The following XPNPEP3 variants were observed in gnomAD, a reference collection of about 807,000 sequenced individuals.
XPNPEP3 encodes the protein X-prolyl aminopeptidase 3.
XPNPEP3 carries 41 observed loss-of-function variants against 60.0 expected under a neutral mutation model. The observed-to-expected ratio is 0.68, with a 90% CI of 0.53 to 0.89. The LOEUF is 0.89. Ranked by LOEUF, XPNPEP3 falls within the 40% of genes least tolerant of loss-of-function variation. XPNPEP3 has a pLI of 0.00. For synonymous variants in XPNPEP3, 212 were observed against 223.2 expected, an observed-to-expected ratio of 0.95 and a Z score of 0.45; for missense variants, 598 against 638.9, an observed-to-expected ratio of 0.94 and a Z score of 0.69.
chr22:40,925,795 CTAA>C (rs1719673886), intron 9 of XPNPEP3, among the ~76,000 whole-genome samples: 1 of 152,130 alleles, frequency 6.6e-6, no homozygotes, highest in Non-Finnish European at 1.5e-5. Context: ...GTTGTCAAGG[CTAA>C]TAATCTCTAA....
chr22:40,916,101 T>G (rs1022436648), intron 7 of XPNPEP3, among the ~76,000 whole-genome samples: 5 of 152,056 alleles, frequency 3.3e-5, no homozygotes, highest in African/African-American at 1.2e-4. Flanking sequence ...AAGACCAGCC[T>G]GGCCAAAATG....
intron 7 of XPNPEP3, among the ~76,000 whole-genome samples, chr22:40,915,460 G>A (rs912557374): frequency 1.3e-5 from 2 of 151,674 alleles, no homozygotes; most frequent in Admixed American, 1.3e-4. Flanking sequence ...GGCTAAGGCA[G>A]GAGAATCGCT....
chr22:40,922,470 A>T lies in XPNPEP3; in HGVS notation c.1193A>T (p.Asp398Val). Residue 398 changes from aspartate to valine, a missense_variant, in exon 8 of 10, where the codon GAC becomes GTC. Asp to Val is a radical substitution (Grantham distance 152, BLOSUM62 -3). Coordinates refer to ENST00000357137, the MANE Select transcript of XPNPEP3 (RefSeq NM_022098.4). The part of the protein sequence containing the change: ...MLTLIGQKLK[D>V]LGIMKNIKEN... ...ACCCTGATAGGACAGAAGCTTAAAG[A>T]CTTGGGGATCATGAAGAACATTAAG... 6.2e-7 allele frequency: 1 copy of T among 1,614,080 alleles called. No individual in the cohort carries two copies.
intron 3 of XPNPEP3, among the ~76,000 whole-genome samples, chr22:40,884,542 C>A (rs1054138538): frequency 3.3e-5 from 5 of 151,264 alleles, no homozygotes; most frequent in African/African-American, 9.7e-5. Flanking sequence ...CCATGTTAGT[C>A]AGGCTGGTCT....
Position 40,930,692 on chromosome 22 carries a change from C to T in XPNPEP3, c.*4257C>T. 6.6e-6 allele frequency: 1 copy of T among 152,088 alleles called. No individual in the cohort carries two copies. Among genetic ancestry groups the T allele is most frequent in the Non-Finnish European group, 1.5e-5 (1 of 68,092 alleles). 9.4% of individuals were successfully genotyped at this position (152,088 alleles called of 1,614,324 possible). ...TCAACCAATTCTCCTGCCTCAGCCT[C>T]CCTAGTAACTGGGATTACAGGCACC... On this transcript the variant is annotated 3_prime_UTR_variant, in exon 10 of 10. Transcript: ENST00000357137.
At chr22:40,874,921 T>G (rs549163315) in intron 2 of XPNPEP3, among the ~76,000 whole-genome samples, 1 of 152,278 alleles carries the variant, frequency 6.6e-6, no homozygotes, top group African/African-American at 2.4e-5. Flanking sequence ...CACTCAGTCC[T>G]TAAATTCATT....
chr22:40,865,738 C>T (rs1422906843), intron 1 of XPNPEP3, among the ~76,000 whole-genome samples: 10 of 151,008 alleles, frequency 6.6e-5, no homozygotes, highest in African/African-American at 9.8e-5. Flanking sequence ...GCCATGTTGG[C>T]CAGGCTGGTC....
chr22:40,895,392 A>G (rs373967084), intron 4 of XPNPEP3, among the ~76,000 whole-genome samples: 17 of 151,504 alleles, frequency 1.1e-4, no homozygotes, highest in Admixed American at 7.9e-4. Context: ...CTGGAGTGCA[A>G]TGGCGCGATC....
In XPNPEP3 at chr22:40,869,087, C is replaced by T. The variant is rs1276915482; in HGVS notation, c.153C>T (p.Pro51=). 4 of 1,614,086 alleles carry T rather than the reference C, an allele frequency of 2.5e-6. No homozygotes were observed. The South Asian group carries it at 4.4e-5, about 18-fold the overall frequency. The stretch of plus-strand genomic sequence containing the variant: ...ACCGATACTTAGGCCAGCCCAGCCC[C>T]TTTACACACCCACACCTCCTCAGAC... ...IPNRYLGQPS[P]FTHPHLLRPG... Residue 51 remains proline (P), a synonymous_variant, in exon 2 of 10, where the codon CCC becomes CCT. Coordinates refer to ENST00000357137, the MANE Select transcript of XPNPEP3 (RefSeq NM_022098.4).
rs2058187525 is a variant in XPNPEP3, at chr22:40,914,309, G to A, written c.1040G>A (p.Trp347Ter). 6.2e-7 allele frequency: 1 copy of A among 1,613,974 alleles called. No homozygotes were observed. The highest frequency in any genetic ancestry group is 8.5e-7 in the Non-Finnish European group (1 of 1,179,966). Reference protein sequence around the residue: ...SCYVSDITRTWPVNGRFTAPQ... With the variant: ...SCYVSDITRT ...TATGTGAGTGACATCACACGTACGT[G>A]GCCAGTCAATGGCAGGTAGGGCTTC... Residue 347 changes from tryptophan (W) to a stop codon, truncating the protein, a stop_gained, in exon 7 of 10, where the codon TGG (tryptophan) becomes TAG (stop). Transcript: ENST00000357137. LOFTEE classifies it high-confidence loss of function.
At chr22:40,898,176 C>T (rs1006527926) in intron 4 of XPNPEP3, among the ~76,000 whole-genome samples, 1 of 145,570 alleles carries the variant, frequency 6.9e-6, no homozygotes, top group African/African-American at 2.5e-5. Flanking sequence ...AGGTATTCCC[C>T]TATGTTTTCT....
chr22:40,917,894 C>A (rs1269214580), intron 7 of XPNPEP3: 4 of 151,676 alleles, frequency 2.6e-5, no homozygotes, highest in Non-Finnish European at 5.9e-5. Flanking sequence ...GCCTGTAGTC[C>A]CAGCTACTAG....
intron 7 of XPNPEP3, among the ~76,000 whole-genome samples, chr22:40,915,905 C>G (rs1056316470): frequency 1.3e-5 from 2 of 152,162 alleles, no homozygotes; most frequent in Admixed American, 1.3e-4. Context: ...CCAGTGAGAA[C>G]AGAGTTTGTA....
chr22:40,920,792 T>C (rs2058213446), intron 7 of XPNPEP3, among the ~76,000 whole-genome samples: 1 of 152,146 alleles, frequency 6.6e-6, no homozygotes, highest in African/African-American at 2.4e-5. Context: ...TGCAGTTCTT[T>C]TTTTGTTTTG....
At chr22:40,861,284 G>T in intron 1 of XPNPEP3, 1 of 1,614,108 alleles carries the variant, frequency 6.2e-7, no homozygotes. Context: ...TTCTCCAGCT[G>T]CATTCTTTTG....
intron 2 of XPNPEP3, among the ~76,000 whole-genome samples, chr22:40,872,168 G>T (rs990068046): frequency 1.3e-5 from 2 of 152,164 alleles, no homozygotes; most frequent in African/African-American, 2.4e-5. Flanking sequence ...TATTTAGCAG[G>T]ATGATACAGG....
intron 5 of XPNPEP3, among the ~76,000 whole-genome samples, chr22:40,908,447 G>A (rs1047132296): frequency 1.3e-5 from 2 of 152,004 alleles, no homozygotes; most frequent in Non-Finnish European, 2.9e-5. Flanking sequence ...GAGCCTGGAA[G>A]GTTCAGGCTA....
intron 7 of XPNPEP3, among the ~76,000 whole-genome samples, chr22:40,919,386 C>T (rs1428669815): frequency 2.0e-5 from 3 of 152,184 alleles, no homozygotes; most frequent in Admixed American, 2.0e-4. Context: ...GAAACCCCGT[C>T]CATACTAAAA....
intron 4 of XPNPEP3, among the ~76,000 whole-genome samples, chr22:40,897,029 CTT>C (rs762152639): frequency 1.0e-4 from 11 of 107,696 alleles, no homozygotes; most frequent in African/African-American, 2.3e-4. Context: ...TTTCCTTCAT[CTT>C]TTTTTTTTTT....
Sources: allele counts gnomAD v4.1 joint callset (sites outside exome capture counted in the v4.1 genomes callset), GRCh38; gene constraint gnomAD v4.1.1; transcripts MANE v1.5; gene names NCBI Gene and HGNC (gene_info 2026-07-23, HGNC 2026-07-21).